The following DPP6 variants were observed in gnomAD, a reference collection of about 807,000 sequenced individuals.
DPP6 encodes the protein dipeptidyl peptidase like 6, also known as A-type potassium channel modulatory protein DPP6.
In DPP6, 69 loss-of-function variants were observed where a neutral mutation model predicts 122.6. The ratio of observed to expected loss-of-function variants is 0.56; its 90% CI spans 0.46 to 0.69. The LOEUF is 0.69. Among genes scored for constraint, DPP6 ranks in the 30% least tolerant of loss-of-function variants. DPP6 has a pLI of 0.00. For missense variants in DPP6, 928 were observed against 1,116.9 expected, an observed-to-expected ratio of 0.83 and a Z score of 2.41; for synonymous variants, 418 against 433.1, an observed-to-expected ratio of 0.97 and a Z score of 0.43.
chr7:154,721,555 C>T (rs527379531), intron 7 of DPP6, among the ~76,000 whole-genome samples: 2 of 152,142 alleles, frequency 1.3e-5, no homozygotes, highest in South Asian at 2.1e-4. Flanking sequence ...ATCATAGAAG[C>T]GTAAGGGAAA....
the DPP6 span, among the ~76,000 whole-genome samples, chr7:153,864,169 A>C: frequency 6.6e-6 from 1 of 152,174 alleles, no homozygotes; most frequent in Non-Finnish European, 1.5e-5. Context: ...ACTGTGTTTC[A>C]CAACAACTTC....
chr7:153,928,544 G>A (rs1801029776), intron 1 of DPP6, among the ~76,000 whole-genome samples: 1 of 151,386 alleles, frequency 6.6e-6, no homozygotes, highest in Admixed American at 6.6e-5. Flanking sequence ...GCCCACGAGG[G>A]CCACTTTTCT....
At chr7:154,697,914 T>C (rs772322176) in intron 7 of DPP6, among the ~76,000 whole-genome samples, 35 of 152,348 alleles carry the variant, frequency 2.3e-4, no homozygotes, top group Admixed American at 1.3e-3. Context: ...GGCATATTTA[T>C]TATTTTATCA....
chr7:154,588,133 G>A (rs756050664), intron 5 of DPP6: 1 of 1,564,328 alleles, frequency 6.4e-7, no homozygotes, highest in South Asian at 1.2e-5. Flanking sequence ...CAACACTGGT[G>A]GAGAGAGACA....
At chr7:154,113,455 T>C (rs1460071329) in intron 1 of DPP6, among the ~76,000 whole-genome samples, 1 of 151,904 alleles carries the variant, frequency 6.6e-6, no homozygotes, top group Non-Finnish European at 1.5e-5. Context: ...CACACCTACA[T>C]ACATATAGAT....
chr7:153,757,857 G>A, the DPP6 span, among the ~76,000 whole-genome samples: 70,991 of 150,610 alleles, frequency 0.47, 16,446 homozygotes, highest in East Asian at 0.67. Flanking sequence ...TACTCTGGAG[G>A]CTGAGGCAGG....
At chr7:154,438,469 C>CAAAAAAAAAAAAAAAA (rs58978160) in intron 1 of DPP6, among the ~76,000 whole-genome samples, 12 of 37,472 alleles carry the variant, frequency 3.2e-4, no homozygotes, top group Admixed American at 5.3e-4. Flanking sequence ...GACTCCAACT[C>CAAAAAAAAAAAAAAAA]AAAAAAAAAA....
chr7:154,817,104 A>G (rs1386987220), intron 16 of DPP6, among the ~76,000 whole-genome samples: 5 of 152,184 alleles, frequency 3.3e-5, no homozygotes, highest in African/African-American at 1.2e-4. Context: ...ACCAGGGGAA[A>G]TGTCCACGAA....
chr7:154,347,344 G>A (rs936509351), intron 1 of DPP6, among the ~76,000 whole-genome samples: 1 of 152,220 alleles, frequency 6.6e-6, no homozygotes, highest in Non-Finnish European at 1.5e-5. Context: ...GCAAAATGAT[G>A]TTTTAGACAG....
At chr7:154,003,351 C>G (rs1294294524) in intron 1 of DPP6, among the ~76,000 whole-genome samples, 2 of 152,124 alleles carry the variant, frequency 1.3e-5, no homozygotes, top group Non-Finnish European at 2.9e-5. Context: ...TGTGTAGACA[C>G]TGAGTATGTT....
chr7:154,477,576 G>T (rs774606837), intron 3 of DPP6, among the ~76,000 whole-genome samples: 56 of 151,566 alleles, frequency 3.7e-4, no homozygotes, highest in Non-Finnish European at 7.1e-4. Context: ...CAAGAGCACA[G>T]ATGTTTCTGG....
chr7:154,361,644 C>A (rs1442500651), intron 1 of DPP6, among the ~76,000 whole-genome samples: 1 of 149,686 alleles, frequency 6.7e-6, no homozygotes, highest in Non-Finnish European at 1.5e-5. Flanking sequence ...TCATAGGGAC[C>A]AACATTGAGA....
rs376663724 is a variant in DPP6 at position 154,367,511 on chromosome 7, A to C, written c.244-78703A>C. Among the ~76,000 whole-genome samples the C allele has an allele frequency of 7.9e-5, 12 of 152,344 alleles. 1 individual carries two copies. The East Asian group carries it at 1.3e-3, about 17-fold the overall frequency. ...TTGGCCTTATAAGAAAATCTCCACCAACACCTGGTGTATGTTCATGTGCTT... is the reference window on the plus strand; with the variant it reads ...TTGGCCTTATAAGAAAATCTCCACCCACACCTGGTGTATGTTCATGTGCTT... On this transcript the variant is annotated intron_variant, in intron 1 of 25. Coordinates refer to ENST00000377770, the MANE Select transcript of DPP6 (RefSeq NM_130797.4).
chr7:154,301,603 T>C (rs1276960880), intron 1 of DPP6, among the ~76,000 whole-genome samples: 1 of 152,118 alleles, frequency 6.6e-6, no homozygotes, highest in Admixed American at 6.5e-5. Context: ...GCAGATTTAG[T>C]TTTGATCTCC....
Position 154,566,877 on chromosome 7 carries a change from A to G in DPP6, c.588A>G (p.Pro196=). 6.2e-7 allele frequency: 1 copy of G among 1,607,314 alleles called. No individual in the cohort carries two copies. The highest frequency in any genetic ancestry group is 8.5e-7 in the Non-Finnish European group (1 of 1,175,550). ...SLRAIRYEIS[P]DREYALFSYN... is the part of the protein sequence containing the mutation. ...GAGCCATCAGATATGAAATATCTCC[A>G]GATAGAGAGTATGCACTTTTTTCAT... Residue 196 remains proline (P), a synonymous_variant, in exon 5 of 26, where the codon CCA becomes CCG. Transcript: ENST00000377770.
chr7:153,925,462 T>A (rs1800850510), intron 1 of DPP6, among the ~76,000 whole-genome samples: 1 of 147,754 alleles, frequency 6.8e-6, no homozygotes, highest in Admixed American at 6.8e-5. Flanking sequence ...GAGGTTCTGA[T>A]GAAGGGATAT....
the DPP6 span, among the ~76,000 whole-genome samples, chr7:153,779,195 T>C: frequency 2.7e-5 from 4 of 147,704 alleles, 1 homozygote; most frequent in African/African-American, 5.3e-5. Flanking sequence ...GGAACTAGGG[T>C]ACCTTGGGGA....
At chr7:154,484,438 G>A (rs959661006) in intron 3 of DPP6, among the ~76,000 whole-genome samples, 7 of 152,230 alleles carry the variant, frequency 4.6e-5, no homozygotes, top group African/African-American at 1.7e-4. Context: ...TGTGCTCTGA[G>A]CAAATCGAAG....
At chr7:154,846,371 T>A (rs964364653) in intron 16 of DPP6, among the ~76,000 whole-genome samples, 4 of 152,162 alleles carry the variant, frequency 2.6e-5, no homozygotes, top group African/African-American at 9.7e-5. Context: ...CTGTTCCAGA[T>A]GAAGGCTGAC....
Sources: gnomAD v4.1 joint callset for allele counts (sites outside exome capture counted in the v4.1 genomes callset) on GRCh38, gnomAD v4.1.1 for gene constraint, MANE v1.5 for transcripts, NCBI Gene and HGNC (gene_info 2026-07-23, HGNC 2026-07-21) for gene names.